Variants in CD300A observed in about 807,000 individuals in gnomAD.
CD300A encodes the protein CMRF35-like molecule 8.
A neutral mutation model predicts 33.6 loss-of-function variants in CD300A; 22 were observed. That is an observed-to-expected ratio of 0.66 (90% CI 0.47 to 0.94). CD300A has a LOEUF of 0.94. CD300A is among the 40% of genes least tolerant of loss of function. The pLI is 0.00. For synonymous variants in CD300A, 136 were observed against 148.1 expected (o/e 0.92, Z 0.59); for missense variants, 326 against 360.5 (o/e 0.90, Z 0.77).
In CD300A at chr17:74,473,786, T is replaced by C. The variant is rs772952018; in HGVS notation, c.291T>C (p.Asp97=). ...CCCTGGAGAATCTCACAGAGGAGGA[T>C]GCAGGCACCTACTGGTGTGGGGTGG... The part of the protein sequence containing the change: ...TVTLENLTEE[D]AGTYWCGVDT... The change falls in exon 2 of 7, where the codon GAT becomes GAC. Residue 97 remains aspartate, a synonymous_variant. Transcript: ENST00000360141. 12 of 1,614,086 alleles carry C rather than the reference T, an allele frequency of 7.4e-6. No individual in the cohort carries two copies. In the Admixed American group the frequency reaches 8.3e-5, roughly 11 times the overall value.
At chr17:74,474,204 G>A (rs1323138387) in intron 2 of CD300A, among the ~76,000 whole-genome samples, 2 of 152,194 alleles carry the variant, frequency 1.3e-5, no homozygotes, top group East Asian at 3.9e-4. Context: ...GGCCAGATGG[G>A]AAGCTGCTGT....
intron 5 of CD300A, 144 bp from the exon 6 acceptor site, chr17:74,481,582 T>C: frequency 1.5e-6 from 1 of 681,814 alleles, no homozygotes; most frequent in Non-Finnish European, 2.5e-6. Context: ...ATTAAACTAC[T>C]GGACGGAGTG....
rs1425866150 is a variant in CD300A, at chr17:74,474,573, A to T, written c.421A>T (p.Thr141Ser). The change falls in exon 3 of 7, where the codon ACC becomes TCC. Residue 141 changes from threonine to serine, a missense_variant. Physicochemically the swap from Thr to Ser is moderately conservative, Grantham distance 58 (BLOSUM62 1). Coordinates refer to ENST00000360141, the MANE Select transcript of CD300A (RefSeq NM_007261.4). ...MTPASITAAK[T>S]STITTAFPPV... ...ACCTGCAAGTATCACTGCGGCCAAG[A>T]CCTCAACAATCACAACTGCATTTCC... The T allele has an allele frequency of 6.2e-7, 1 of 1,613,956 alleles. No individual in the cohort carries two copies. The highest frequency in any genetic ancestry group is 1.3e-5 in the African/African-American group (1 of 74,890).
chr17:74,480,785 T>C lies in CD300A; in HGVS notation c.629-504T>C, dbSNP rs1261908020. ...GTTTTTGAGACAGAGTCTTGCTCTG[T>C]TGCCCAGGCTGGAGTGCAGTGGCAT... On this transcript the variant is annotated intron_variant, in intron 4 of 6. Coordinates refer to ENST00000360141, the MANE Select transcript of CD300A (RefSeq NM_007261.4). This position sits in a 1 kb window ranked among gnomAD's most constrained non-coding sequence, Gnocchi z 4.2. 6.6e-6 allele frequency among the ~76,000 whole-genome samples: 1 copy of C among 152,212 alleles called. No individual in the cohort carries two copies. The highest frequency in any genetic ancestry group is 6.5e-5 in the Admixed American group (1 of 15,280).
intron 1 of CD300A, 92 bp downstream of exon 1, chr17:74,466,835 G>C: frequency 6.5e-7 from 1 of 1,547,192 alleles, no homozygotes; most frequent in Non-Finnish European, 8.7e-7. Context: ...GACGCCCCGA[G>C]TCTGGACTCC....
intron 3 of CD300A, 52 bp downstream of exon 3, chr17:74,474,737 A>G: frequency 6.3e-7 from 1 of 1,592,484 alleles, no homozygotes; most frequent in Non-Finnish European, 8.6e-7. Flanking sequence ...TAAGAGGAGG[A>G]GCCCAGGGCG....
chr17:74,469,078 G>A (rs1390270541), intron 1 of CD300A, among the ~76,000 whole-genome samples: 4 of 152,058 alleles, frequency 2.6e-5, no homozygotes, highest in Admixed American at 6.5e-5. Context: ...CCCTGTTTCC[G>A]TGTTCTCTGC....
At chr17:74,476,313 C>A (rs1385678747) in intron 3 of CD300A, among the ~76,000 whole-genome samples, 1 of 152,208 alleles carries the variant, frequency 6.6e-6, no homozygotes, top group Non-Finnish European at 1.5e-5. Flanking sequence ...TAGAGCCTCC[C>A]TCCTAAGAGC....
intron 4 of CD300A, among the ~76,000 whole-genome samples, chr17:74,479,326 C>A (rs1906685527): frequency 6.6e-6 from 1 of 152,098 alleles, no homozygotes; most frequent in Non-Finnish European, 1.5e-5. Flanking sequence ...AGCCTCGACC[C>A]CCCACTGCCC....
intron 4 of CD300A, among the ~76,000 whole-genome samples, chr17:74,478,979 A>T (rs1906657887): frequency 6.6e-6 from 1 of 152,160 alleles, no homozygotes; most frequent in Non-Finnish European, 1.5e-5. Context: ...CTCAGTTCTG[A>T]GCCCCTTTCG....
intron 3 of CD300A, among the ~76,000 whole-genome samples, chr17:74,475,739 G>T (rs557650903): frequency 6.6e-6 from 1 of 151,998 alleles, no homozygotes. Flanking sequence ...CCACAAGACC[G>T]CCCTGATTTA....
intron 4 of CD300A, 70 bp downstream of exon 4, chr17:74,477,600 C>A: frequency 1.0e-6 from 1 of 975,666 alleles, no homozygotes; most frequent in Non-Finnish European, 1.6e-6. Context: ...CGCTCATCTT[C>A]AAAGCTATGT....
intron 1 of CD300A, chr17:74,470,023 A>G (rs764919348): frequency 5.1e-5 from 50 of 985,170 alleles, no homozygotes; most frequent in Non-Finnish European, 5.8e-5. Context: ...GAGTTGGACA[A>G]TTCAGTCATT....
intron 3 of CD300A, among the ~76,000 whole-genome samples, chr17:74,475,839 C>T (rs751192690): frequency 1.3e-5 from 2 of 152,114 alleles, no homozygotes; most frequent in Non-Finnish European, 2.9e-5. Context: ...CCCCCAGGTT[C>T]AATAATTTGT....
chr17:74,476,397 A>G (rs1906463582), intron 3 of CD300A, among the ~76,000 whole-genome samples: 1 of 152,166 alleles, frequency 6.6e-6, no homozygotes, highest in Non-Finnish European at 1.5e-5. Flanking sequence ...GCCAACATAT[A>G]AGACAAGGCA....
intron 3 of CD300A, 36 bp downstream of exon 3, chr17:74,474,721 C>G: frequency 6.2e-7 from 1 of 1,608,448 alleles, no homozygotes; most frequent in Non-Finnish European, 8.5e-7. Flanking sequence ...GGAGGGGGCC[C>G]TGTGCTAAGA....
At chr17:74,472,136 G>C (rs1157906648) in intron 1 of CD300A, among the ~76,000 whole-genome samples, 1 of 151,634 alleles carries the variant, frequency 6.6e-6, no homozygotes, top group Non-Finnish European at 1.5e-5. Context: ...TACTCGGTAG[G>C]CTGAGGCAGG....
At chr17:74,469,934 T>G (rs1009140313) in intron 1 of CD300A, 140 of 984,918 alleles carry the variant, frequency 1.4e-4, no homozygotes, top group Non-Finnish European at 1.6e-4. Context: ...CTGATTTCTG[T>G]GAATTCACCA....
Position 74,484,204 on chromosome 17 carries a change from G to T in CD300A, c.*78G>T. On this transcript the variant is annotated 3_prime_UTR_variant, in exon 7 of 7. Coordinates refer to ENST00000360141, the MANE Select transcript of CD300A (RefSeq NM_007261.4). ...GACAGCTCCCTTATACCTGGCCCAC[G>T]TCCTTCTCAGCCTGCCCTCGACAAC... The T allele has an allele frequency of 6.7e-7, 1 of 1,502,086 alleles. No homozygotes were observed. The highest frequency in any genetic ancestry group is 9.1e-7 in the Non-Finnish European group (1 of 1,096,456). 93.0% of individuals were successfully genotyped at this position (1,502,086 alleles called of 1,614,324 possible).
Sources: allele counts gnomAD v4.1 joint callset (sites outside exome capture counted in the v4.1 genomes callset), GRCh38; gene constraint gnomAD v4.1.1; non-coding constraint Gnocchi (gnomAD v3.1); transcripts MANE v1.5; gene names NCBI Gene and HGNC (gene_info 2026-07-23, HGNC 2026-07-21).